ERICH5: variants seen among roughly 807,000 people sequenced by gnomAD.
The protein encoded by ERICH5 is glutamate-rich protein 5.
A neutral mutation model predicts 28.0 loss-of-function variants in ERICH5; 24 were observed. The observed-to-expected ratio is 0.86, with a 90% CI of 0.62 to 1.21. The LOEUF (loss-of-function observed/expected upper bound fraction) is 1.21, where lower values mean the gene tolerates loss of function less well. ERICH5 is among the 50% of genes most tolerant of loss of function. The pLI, the probability that ERICH5 is intolerant of heterozygous loss-of-function variation, is 0.00. For missense variants in ERICH5, 421 were observed against 441.2 expected, an observed-to-expected ratio of 0.95 and a Z score of 0.41; for synonymous variants, 163 against 157.6, an observed-to-expected ratio of 1.03 and a Z score of -0.25.
rs1201578580 is a variant in ERICH5 at position 98,064,733 on chromosome 8, C to T, written c.58+6C>T. Reference sequence around the variant, plus strand: ...CAGCAGCAGGTTCCCCAGCGGTGAGCAGGGTACCGGCGCCGCCCGCGCCCG... The same window carrying T: ...CAGCAGCAGGTTCCCCAGCGGTGAGTAGGGTACCGGCGCCGCCCGCGCCCG... On this transcript the variant is annotated splice_donor_region_variant and intron_variant, in intron 1 of 2. Transcript: ENST00000318528. The T allele has an allele frequency of 6.5e-6, 10 of 1,528,542 alleles. No homozygotes were observed. Among genetic ancestry groups the T allele is most frequent in the Non-Finnish European group, 8.8e-6 (10 of 1,140,962 alleles). The allele number at this position is 1,528,542 out of a possible 1,614,324, so 94.7% of individuals were successfully genotyped here.
chr8:98,064,810 C>T, intron 1 of ERICH5, 83 bp downstream of exon 1: 2 of 1,122,868 alleles, frequency 1.8e-6, no homozygotes, highest in Non-Finnish European at 2.5e-6. Flanking sequence ...GGGTGTGTCC[C>T]GTGGCCACCC....
Position 98,073,456 on chromosome 8 carries a change from A to G in ERICH5, c.58+8729A>G, listed in dbSNP as rs866695988. Among the ~76,000 whole-genome samples the G allele has an allele frequency of 9.2e-3, 88 of 9,574 alleles. 6 individuals are homozygous for G. Among genetic ancestry groups the G allele is most frequent in the African/African-American group, 0.051 (60 of 1,178 alleles). 6.3% of individuals were successfully genotyped at this position (9,574 alleles called of 152,430 possible). On this transcript the variant is annotated intron_variant, in intron 1 of 2. Transcript: ENST00000318528. The stretch of plus-strand genomic sequence containing the variant: ...TCTATATATATATATATATATATAT[A>G]TATGTATATATATATATATATATAT...
intron 1 of ERICH5, among the ~76,000 whole-genome samples, chr8:98,080,583 C>T (rs60301994): frequency 0.022 from 3,273 of 151,558 alleles, 98 homozygotes; most frequent in African/African-American, 0.073. Context: ...TTCTCCTTCT[C>T]CTTCTTCTCC....
rs560694052 is a variant in ERICH5 at position 98,079,285 on chromosome 8, G to A, written c.59-9791G>A. On this transcript the variant is annotated intron_variant, in intron 1 of 2. Transcript: ENST00000318528. ...TCTGGGGCTTAAGCAATCCTCCCAC[G>A]TCAGCCTCCTGAGTAGCAGGGACTA... is the stretch of plus-strand genomic sequence containing the variant. Among the ~76,000 whole-genome samples, 327 of 143,766 alleles carry A rather than the reference G, an allele frequency of 2.3e-3. 1 individual carries two copies. The highest frequency in any genetic ancestry group is 3.3e-3 in the Non-Finnish European group (220 of 66,994). 94.3% of individuals were successfully genotyped at this position (143,766 alleles called of 152,430 possible).
Position 98,083,566 on chromosome 8 carries a change from G to A in ERICH5, c.59-5510G>A, listed in dbSNP as rs188552706. Among the ~76,000 whole-genome samples the A allele has an allele frequency of 3.4e-4, 51 of 152,048 alleles. 1 individual carries two copies. The highest frequency in any genetic ancestry group is 1.9e-4 in the East Asian group (1 of 5,182). ...CTCTCTGCAGGAGGATTCACACCTA[G>A]TCTCTGAGGCAGGGTGGGGATGCAG... On this transcript the variant is annotated intron_variant, in intron 1 of 2. Transcript: ENST00000318528.
intron 1 of ERICH5, among the ~76,000 whole-genome samples, chr8:98,085,576 G>C (rs1815261724): frequency 6.6e-6 from 1 of 152,170 alleles, no homozygotes; most frequent in Non-Finnish European, 1.5e-5. Flanking sequence ...GTATGGACAT[G>C]TGGTTTCTTT....
intron 1 of ERICH5, among the ~76,000 whole-genome samples, chr8:98,081,553 T>C (rs1815183037): frequency 6.6e-6 from 1 of 152,228 alleles, no homozygotes; most frequent in African/African-American, 2.4e-5. Context: ...GTTCCCTGGT[T>C]CAGTAATAAC....
intron 1 of ERICH5, among the ~76,000 whole-genome samples, chr8:98,067,733 A>G (rs1030189969): frequency 1.3e-5 from 2 of 151,540 alleles, no homozygotes; most frequent in Non-Finnish European, 2.9e-5. Context: ...CTACTGCCTC[A>G]GCTTCCCGAG....
intron 1 of ERICH5, among the ~76,000 whole-genome samples, chr8:98,079,325 C>T (rs1423721227): frequency 6.6e-6 from 1 of 151,770 alleles, no homozygotes; most frequent in East Asian, 1.9e-4. Context: ...TGCATGCCAC[C>T]ATGCCCAGCT....
At chr8:98,088,927 C>G in intron 1 of ERICH5, 149 bp from the exon 2 acceptor site, 1 of 621,494 alleles carries the variant, frequency 1.6e-6, no homozygotes, top group East Asian at 2.8e-5. Context: ...GTGTTAGGGT[C>G]ATGGTATGGC....
intron 1 of ERICH5, among the ~76,000 whole-genome samples, chr8:98,083,286 TTTATTCCCTAAGGCAA>T (rs1335108916): frequency 1.3e-5 from 2 of 152,218 alleles, no homozygotes; most frequent in African/African-American, 4.8e-5. Context: ...CATTTCCTGG[TTTATTCCCTAAGGCAA>T]TTATCACCAG....
intron 1 of ERICH5, among the ~76,000 whole-genome samples, chr8:98,066,895 T>C (rs1814829384): frequency 1.3e-5 from 2 of 152,214 alleles, no homozygotes; most frequent in African/African-American, 2.4e-5. Context: ...TGTGTGTACA[T>C]ACTTTTAGAC....
chr8:98,079,829 G>A (rs774021507), intron 1 of ERICH5, among the ~76,000 whole-genome samples: 10 of 152,144 alleles, frequency 6.6e-5, no homozygotes, highest in Admixed American at 2.6e-4. Flanking sequence ...GTGAGCTACC[G>A]TGCCCGGCCT....
intron 1 of ERICH5, among the ~76,000 whole-genome samples, chr8:98,086,089 A>G (rs1215364094): frequency 6.6e-6 from 1 of 152,168 alleles, no homozygotes; most frequent in South Asian, 2.1e-4. Flanking sequence ...AAGGTGGTAG[A>G]TTGAAGATAT....
intron 1 of ERICH5, among the ~76,000 whole-genome samples, chr8:98,070,949 C>T (rs147169340): frequency 2.0e-4 from 31 of 152,164 alleles, no homozygotes; most frequent in South Asian, 6.2e-4. Context: ...TGTAAAACAA[C>T]GCTTGATTGT....
At chr8:98,082,303 C>T (rs554355061) in intron 1 of ERICH5, among the ~76,000 whole-genome samples, 5 of 152,186 alleles carry the variant, frequency 3.3e-5, no homozygotes, top group African/African-American at 7.2e-5. Context: ...TAAAAGTATA[C>T]GCTGTGGACA....
rs1422155963 is a variant in ERICH5 at position 98,064,613 on chromosome 8, TC to T, written c.-54del. The T allele has an allele frequency of 7.0e-7, 1 of 1,429,770 alleles. No homozygotes were observed. The highest frequency in any genetic ancestry group is 9.3e-7 in the Non-Finnish European group (1 of 1,071,550). 88.6% of individuals were successfully genotyped at this position (1,429,770 alleles called of 1,614,324 possible). A position where few individuals can be genotyped will look rare whatever the true frequency, so the allele number is the denominator to read the frequency against. Reference sequence around the variant, plus strand: ...GGCTACGGGTGCAGTTGCCTTCGGTTCCCGGTTCCGGGCCGACACCCGCGCA... The same window carrying T: ...GGCTACGGGTGCAGTTGCCTTCGGTTCCGGTTCCGGGCCGACACCCGCGCA... On this transcript the variant is annotated 5_prime_UTR_variant, in exon 1 of 3. Coordinates refer to ENST00000318528, the MANE Select transcript of ERICH5 (RefSeq NM_173549.3).
chr8:98,088,364 A>G (rs1419111595), intron 1 of ERICH5, among the ~76,000 whole-genome samples: 1 of 152,208 alleles, frequency 6.6e-6, no homozygotes. Context: ...TGTTTTAGAG[A>G]CAAGATCATT....
chr8:98,091,814 CTTTCTTTTTCTTTCTT>C (rs1444735387), intron 2 of ERICH5, among the ~76,000 whole-genome samples: 152 of 151,194 alleles, frequency 1.0e-3, no homozygotes, highest in African/African-American at 1.2e-3. Flanking sequence ...ACAAATTAGA[CTTTCTTTTTCTTTCTT>C]TTTCTTTTTC....
Sources: allele counts gnomAD v4.1 joint callset (sites outside exome capture counted in the v4.1 genomes callset), GRCh38; gene constraint gnomAD v4.1.1; transcripts MANE v1.5; gene names NCBI Gene and HGNC (gene_info 2026-07-23, HGNC 2026-07-21).